Variants in A2ML1 observed in about 807,000 individuals in gnomAD.
The protein encoded by A2ML1 is alpha-2-macroglobulin like 1, also known as alpha-2-macroglobulin-like protein 1.
A2ML1 carries 161 observed loss-of-function variants against 181.9 expected under a neutral mutation model. The ratio of observed to expected loss-of-function variants is 0.89; its 90% CI spans 0.78 to 1.01. The LOEUF is 1.01. Among genes scored for constraint, A2ML1 ranks in the 50% least tolerant of loss-of-function variants. The pLI is 0.00. For synonymous variants in A2ML1, 663 were observed against 666.8 expected, an observed-to-expected ratio of 0.99 and a Z score of 0.09; for missense variants, 1,670 against 1,768.1, an observed-to-expected ratio of 0.94 and a Z score of 1.00.
Position 8,854,252 on chromosome 12 carries a change from G to A in A2ML1, c.2712+3G>A. ...TCATCAAGCCAGTTCTCGTCAAAGT[G>A]AGTTTTCTTCAGAGGTAGAGACAGC... On this transcript the variant is annotated splice_donor_region_variant and intron_variant, in intron 21 of 35. Transcript: ENST00000299698. The A allele has an allele frequency of 6.3e-7, 1 of 1,594,194 alleles. No individual in the cohort carries two copies. The highest frequency in any genetic ancestry group is 8.5e-7 in the Non-Finnish European group (1 of 1,170,818).
intron 4 of A2ML1, among the ~76,000 whole-genome samples, chr12:8,832,584 C>T (rs1402127089): frequency 6.6e-6 from 1 of 152,158 alleles, no homozygotes; most frequent in African/African-American, 2.4e-5. Flanking sequence ...ACATCTTTCA[C>T]TTTCATAGTT....
At chr12:8,884,281 T>C in intron 7 of A2ML1, among the ~76,000 whole-genome samples, 1 of 151,722 alleles carries the variant, frequency 6.6e-6, no homozygotes, top group Non-Finnish European at 1.5e-5. Flanking sequence ...TTTTAACTTT[T>C]ATTTGAGGTT....
At chr12:8,881,231 C>G (rs1944867370), downstream of A2ML1, among the ~76,000 whole-genome samples, 1 of 152,004 alleles carries the variant, frequency 6.6e-6, no homozygotes, top group Admixed American at 6.6e-5. Context: ...ATTTCACAAG[C>G]ATGTGACAAC....
chr12:8,837,611 G>A (rs753777936), intron 8 of A2ML1, 45 bp downstream of exon 8: 12 of 1,576,992 alleles, frequency 7.6e-6, no homozygotes, highest in Non-Finnish European at 9.5e-6. Context: ...GCCAGGCACG[G>A]TGGCTCACGC....
chr12:8,868,450 G>C lies in A2ML1; in HGVS notation c.4062-87G>C, dbSNP rs1592156316. The C allele has an allele frequency of 8.1e-6, 12 of 1,474,496 alleles. No individual in the cohort carries two copies. The South Asian group carries it at 1.4e-4, about 18-fold the overall frequency. 91.3% of individuals were successfully genotyped at this position (1,474,496 alleles called of 1,614,324 possible). A position where few individuals can be genotyped will look rare whatever the true frequency, so the allele number is the denominator to read the frequency against. On this transcript the variant is annotated intron_variant, in intron 31 of 35. Coordinates refer to ENST00000299698, the MANE Select transcript of A2ML1 (RefSeq NM_144670.6). The stretch of plus-strand genomic sequence containing the variant: ...TGTGTGTGTGTGTCTGTGTATGTGT[G>C]TGTGTACGTGTGTGTGTGTGTGTGT...
Position 8,843,125 on chromosome 12 carries a change from T to C in A2ML1, c.1249-9T>C. 2 of 1,613,172 alleles carry C rather than the reference T, an allele frequency of 1.2e-6. No homozygotes were observed. The highest frequency in any genetic ancestry group is 1.7e-6 in the Non-Finnish European group (2 of 1,179,150). Reference sequence around the variant, plus strand: ...ATGCTAAAATTCTCTCTCTCTCTTTTATTCTCAGGGAAAGTTTCAAATGGA... The same window carrying C: ...ATGCTAAAATTCTCTCTCTCTCTTTCATTCTCAGGGAAAGTTTCAAATGGA... On this transcript the variant is annotated splice_polypyrimidine_tract_variant and intron_variant, in intron 11 of 35. Transcript: ENST00000299698.
chr12:8,829,531 T>C (rs766115031), intron 3 of A2ML1, among the ~76,000 whole-genome samples, 196 bp from the exon 4 acceptor site: 1 of 152,092 alleles, frequency 6.6e-6, no homozygotes, highest in East Asian at 1.9e-4. Context: ...GGCACCTGCC[T>C]GTGGTCCCAG....
chr12:8,849,669 G>C lies in A2ML1; in HGVS notation c.2029G>C (p.Asp677His), dbSNP rs774751293. 2.5e-6 allele frequency: 4 copies of C among 1,613,960 alleles called. No individual in the cohort carries two copies. In the Admixed American group the frequency reaches 6.7e-5, roughly 27 times the overall value. Residue 677 changes from aspartate to histidine, a missense_variant and splice_region_variant, in exon 17 of 36, where the codon GAC becomes CAC. Physicochemically the swap from Asp to His is moderately conservative, Grantham distance 81. Transcript: ENST00000299698. The stretch of plus-strand genomic sequence containing the variant: ...TACTTATTTCTCTGATGCCTATCAG[G>C]ACGTGGGCCTGAAAATACTGTCCAA... ...EGTDLFSFFRDVGLKILSNAK... is the reference protein window; with the variant it reads ...EGTDLFSFFRHVGLKILSNAK...
Position 8,851,790 on chromosome 12 carries a change from G to T in A2ML1, c.2241G>T (p.Ser747=). The change falls in exon 19 of 36, where the codon TCG becomes TCT. Residue 747 remains serine (S), a synonymous_variant. Transcript: ENST00000299698. ...WLWDLFPIGN[S]GKEAVHVTVP... The stretch of plus-strand genomic sequence containing the variant: ...GGTCCTTGTGTTTTCACAGTAACTC[G>T]GGGAAGGAGGCGGTCCACGTCACAG... 1.2e-6 allele frequency: 2 copies of T among 1,614,008 alleles called. No individual in the cohort carries two copies. Among genetic ancestry groups the T allele is most frequent in the Non-Finnish European group, 1.7e-6 (2 of 1,180,012 alleles).
At chr12:8,864,072 G>A in intron 29 of A2ML1, 64 bp downstream of exon 29, 1 of 1,475,832 alleles carries the variant, frequency 6.8e-7, no homozygotes, top group Non-Finnish European at 9.4e-7. Flanking sequence ...GGAGATAGAG[G>A]AAAACATATT....
intron 10 of A2ML1, among the ~76,000 whole-genome samples, chr12:8,840,978 AGAAGGAAGGAAGGAAG>A (rs71045213): frequency 8.0e-6 from 1 of 125,294 alleles, no homozygotes; most frequent in Non-Finnish European, 1.6e-5. Context: ...AAGGAAGGAA[AGAAGGAAGGAAGGAAG>A]GAAGGAAGGA....
chr12:8,825,618 T>G (rs749850500), intron 3 of A2ML1, among the ~76,000 whole-genome samples: 2 of 152,234 alleles, frequency 1.3e-5, no homozygotes, highest in Non-Finnish European at 2.9e-5. Flanking sequence ...TTGTCCATTT[T>G]TGCTTTGGTT....
rs1943939104 is a variant in A2ML1, at chr12:8,852,874, T to C, written c.2590+538T>C. The stretch of plus-strand genomic sequence containing the variant: ...CCCTACCCGGCTAATTTTTGTACTT[T>C]TAGTAGAGGTGGGGTTTTGCCATGT... On this transcript the variant is annotated intron_variant, in intron 20 of 35. Coordinates refer to ENST00000299698, the MANE Select transcript of A2ML1 (RefSeq NM_144670.6). The surrounding 1 kb of genome is among the most constrained non-coding windows in gnomAD (Gnocchi z 4.2). Among the ~76,000 whole-genome samples the C allele has an allele frequency of 6.6e-6, 1 of 152,072 alleles. No individual in the cohort carries two copies. Among genetic ancestry groups the C allele is most frequent in the South Asian group, 2.1e-4 (1 of 4,822 alleles).
chr12:8,845,450 G>A lies in A2ML1; in HGVS notation c.1485G>A (p.Gly495=), dbSNP rs1290636765. ...QEISFSYYLI[G]KGSLVMEGQK... ...TTTCTTTTCTTCTTTAGTTAATAGG[G>A]AAAGGAAGTTTGGTGATGGAGGGGC... Residue 495 remains glycine (G), a synonymous_variant, in exon 13 of 36, where the codon GGG becomes GGA. Coordinates refer to ENST00000299698, the MANE Select transcript of A2ML1 (RefSeq NM_144670.6). 1 of 1,614,162 alleles carries A rather than the reference G, an allele frequency of 6.2e-7. No homozygotes were observed. Among genetic ancestry groups the A allele is most frequent in the Non-Finnish European group, 8.5e-7 (1 of 1,180,022 alleles).
At position 8,849,679 on chromosome 12, in the gene A2ML1, T is replaced by G. The variant is rs770717943; in HGVS notation, c.2039T>G (p.Leu680Arg). The change falls in exon 17 of 36, where the codon CTG (leucine) becomes CGG (arginine). Residue 680 changes from leucine to arginine, a missense_variant. Physicochemically the swap from Leu to Arg is moderately radical, Grantham distance 102. Coordinates refer to ENST00000299698, the MANE Select transcript of A2ML1 (RefSeq NM_144670.6). ...DLFSFFRDVG[L>R]KILSNAKIKK... ...TCTGATGCCTATCAGGACGTGGGCC[T>G]GAAAATACTGTCCAATGCCAAAATC... 1.2e-6 allele frequency: 2 copies of G among 1,614,144 alleles called. No individual in the cohort carries two copies. The highest frequency in any genetic ancestry group is 1.7e-6 in the Non-Finnish European group (2 of 1,179,972).
chr12:8,848,814 A>C lies in A2ML1; in HGVS notation c.1928A>C (p.Gln643Pro). 6.2e-7 allele frequency: 1 copy of C among 1,614,132 alleles called. No homozygotes were observed. The highest frequency in any genetic ancestry group is 8.5e-7 in the Non-Finnish European group (1 of 1,180,026). The change falls in exon 16 of 36, where the codon CAG becomes CCG. Residue 643 changes from glutamine (Q) to proline (P), a missense_variant. Physicochemically the swap from Gln to Pro is moderately conservative, Grantham distance 76. Transcript: ENST00000299698. Reference protein sequence around the residue: ...CPVSGPWDFPQPLIDPMPQGH... With the variant: ...CPVSGPWDFPPPLIDPMPQGH... The stretch of plus-strand genomic sequence containing the variant: ...GTGTCTGGCCCATGGGACTTTCCTC[A>C]GCCCCTCATTGACCCAATGCCCCAA...
At chr12:8,855,919 T>G (rs985144648) in intron 23 of A2ML1, among the ~76,000 whole-genome samples, 5 of 152,100 alleles carry the variant, frequency 3.3e-5, no homozygotes, top group South Asian at 4.1e-4. Flanking sequence ...ACTGAGGAAT[T>G]TGGGTATAGT....
rs1225440128 is a variant in A2ML1, at chr12:8,857,296, TG to T, written c.2982del (p.Thr995ArgfsTer14). The T allele has an allele frequency of 1.9e-6, 3 of 1,613,892 alleles. No individual in the cohort carries two copies. The highest frequency in any genetic ancestry group is 2.5e-6 in the Non-Finnish European group (3 of 1,180,022). On this transcript the variant is annotated frameshift_variant, in exon 24 of 36. Coordinates refer to ENST00000299698, the MANE Select transcript of A2ML1 (RefSeq NM_144670.6). LOFTEE classifies it high-confidence loss of function. ...CAGTACCTGGAGAAGGCAGGGCTGCTGACGGAGGAGATCAGGTCTCGGGCAG... is the reference window on the plus strand; with the variant it reads ...CAGTACCTGGAGAAGGCAGGGCTGCTACGGAGGAGATCAGGTCTCGGGCAG... ...VLQYLEKAGL[L>X]TEEIRSRAVG...
Position 8,855,488 on chromosome 12 carries a change from CT to C in A2ML1, c.2765-14del. 6.2e-7 allele frequency: 1 copy of C among 1,612,794 alleles called. No homozygotes were observed. Among genetic ancestry groups the C allele is most frequent in the Non-Finnish European group, 8.5e-7 (1 of 1,179,084 alleles). Reference sequence around the variant, plus strand: ...CATTCCCCATCTTCTATTGTGTCACCTTTTTTTCTGCATCTCACAGGAAAGG... The same window carrying C: ...CATTCCCCATCTTCTATTGTGTCACCTTTTTTCTGCATCTCACAGGAAAGG... On this transcript the variant is annotated intron_variant, in intron 22 of 35. Coordinates refer to ENST00000299698, the MANE Select transcript of A2ML1 (RefSeq NM_144670.6).
Sources: gnomAD v4.1 joint callset for allele counts (sites outside exome capture counted in the v4.1 genomes callset) on GRCh38, gnomAD v4.1.1 for gene constraint, Gnocchi (gnomAD v3.1) non-coding constraint, MANE v1.5 for transcripts, NCBI Gene and HGNC (gene_info 2026-07-23, HGNC 2026-07-21) for gene names.